CDK14: variants seen among roughly 807,000 people sequenced by gnomAD.
CDK14 encodes the protein cyclin dependent kinase 14, also known as cyclin-dependent kinase 14.
CDK14 carries 34 observed loss-of-function variants against 60.7 expected under a neutral mutation model. The observed-to-expected ratio is 0.56, with a 90% CI of 0.43 to 0.75. The LOEUF is 0.75. Ranked by LOEUF, CDK14 falls within the 30% of genes least tolerant of loss-of-function variation. CDK14 has a pLI of 0.00. For synonymous variants in CDK14, 197 were observed against 203.7 expected, an observed-to-expected ratio of 0.97 and a Z score of 0.28; for missense variants, 482 against 564.1, an observed-to-expected ratio of 0.85 and a Z score of 1.47.
intron 14 of CDK14, among the ~76,000 whole-genome samples, chr7:91,179,064 C>G (rs894785022): frequency 2.6e-5 from 4 of 152,050 alleles, no homozygotes; most frequent in East Asian, 3.9e-4. Flanking sequence ...ACCCAAATGT[C>G]CAACAATGAT....
chr7:91,141,835 C>CT (rs943357378), intron 14 of CDK14, among the ~76,000 whole-genome samples: 68 of 148,976 alleles, frequency 4.6e-4, no homozygotes, highest in Non-Finnish European at 8.3e-4. Flanking sequence ...TGCTGTTGTT[C>CT]TTTTTTTTGA....
At chr7:90,657,786 A>G (rs990608793) in intron 2 of CDK14, among the ~76,000 whole-genome samples, 48 of 152,198 alleles carry the variant, frequency 3.2e-4, no homozygotes, top group African/African-American at 1.1e-3. Flanking sequence ...TTTAATGGCC[A>G]TCTGTTTACT....
intron 5 of CDK14, among the ~76,000 whole-genome samples, chr7:90,819,637 T>A (rs941856967): frequency 6.6e-6 from 1 of 152,168 alleles, no homozygotes; most frequent in African/African-American, 2.4e-5. Flanking sequence ...TTTTAAATCA[T>A]GTAAAATGCA....
chr7:90,724,632 T>G (rs1218125284), intron 2 of CDK14, among the ~76,000 whole-genome samples: 1 of 152,070 alleles, frequency 6.6e-6, no homozygotes, highest in African/African-American at 2.4e-5. Flanking sequence ...TATTTTGTGT[T>G]TTCATTTTTA....
chr7:90,828,350 A>G (rs2117100709), intron 5 of CDK14, among the ~76,000 whole-genome samples: 1 of 152,342 alleles, frequency 6.6e-6, no homozygotes, highest in African/African-American at 2.4e-5. Flanking sequence ...CATTTTGTAT[A>G]GTCAGTATCA....
intron 7 of CDK14, among the ~76,000 whole-genome samples, chr7:90,900,804 A>G (rs1376494416): frequency 6.6e-6 from 1 of 152,170 alleles, no homozygotes; most frequent in African/African-American, 2.4e-5. Flanking sequence ...TCCCACAGTC[A>G]TGACATCACT....
chr7:90,985,562 C>T (rs180734276), intron 10 of CDK14, among the ~76,000 whole-genome samples: 141 of 152,118 alleles, frequency 9.3e-4, no homozygotes, highest in African/African-American at 2.7e-3. Context: ...ATTAAGTAAG[C>T]GCAACGTTTA....
At chr7:90,658,189 C>T (rs899478082) in intron 2 of CDK14, among the ~76,000 whole-genome samples, 8 of 152,176 alleles carry the variant, frequency 5.3e-5, no homozygotes, top group Non-Finnish European at 1.2e-4. Context: ...AATGGAATCA[C>T]GCACCATCTT....
intron 14 of CDK14, among the ~76,000 whole-genome samples, chr7:91,187,181 A>C (rs191473936): frequency 7.2e-5 from 11 of 152,250 alleles, no homozygotes; most frequent in Admixed American, 3.9e-4. Context: ...ACTGATGAAT[A>C]CTCATCTCGT....
chr7:90,740,516 C>T (rs1452229556), intron 3 of CDK14, among the ~76,000 whole-genome samples: 1 of 151,808 alleles, frequency 6.6e-6, no homozygotes, highest in Non-Finnish European at 1.5e-5. Flanking sequence ...ATCCCATCAA[C>T]CAGAGGGAAG....
intron 14 of CDK14, among the ~76,000 whole-genome samples, chr7:91,194,205 G>A (rs542196120): frequency 3.9e-5 from 6 of 152,258 alleles, no homozygotes; most frequent in South Asian, 4.1e-4. Context: ...CCAAGCATGA[G>A]TATTTTATAT....
chr7:91,023,885 G>T (rs1796498875), intron 10 of CDK14, among the ~76,000 whole-genome samples: 1 of 152,106 alleles, frequency 6.6e-6, no homozygotes, highest in South Asian at 2.1e-4. Context: ...CAATTCTCCT[G>T]CCTCAGCCTC....
At chr7:90,677,128 ACAAAAGACTTCC>A (rs1801216619) in intron 2 of CDK14, among the ~76,000 whole-genome samples, 1 of 152,180 alleles carries the variant, frequency 6.6e-6, no homozygotes, top group African/African-American at 2.4e-5. Flanking sequence ...GAAGCAAATA[ACAAAAGACTTCC>A]CTGGATCGAC....
intron 10 of CDK14, among the ~76,000 whole-genome samples, chr7:90,986,998 G>A (rs1584201368): frequency 2.8e-5 from 4 of 141,818 alleles, no homozygotes; most frequent in South Asian, 2.3e-4. Flanking sequence ...GAATTATAAA[G>A]GAAAAGAAAT....
At chr7:90,970,961 G>A (rs1248448977) in intron 9 of CDK14, among the ~76,000 whole-genome samples, 2 of 151,808 alleles carry the variant, frequency 1.3e-5, no homozygotes, top group African/African-American at 4.8e-5. Flanking sequence ...TTAAGTTTTA[G>A]GGTACATGTG....
chr7:90,674,941 G>A (rs1801167829), intron 2 of CDK14, among the ~76,000 whole-genome samples: 1 of 152,208 alleles, frequency 6.6e-6, no homozygotes, highest in Non-Finnish European at 1.5e-5. Flanking sequence ...TTGACATATG[G>A]TGTAGAATAA....
At chr7:90,892,221 T>G (rs1792155094) in intron 6 of CDK14, among the ~76,000 whole-genome samples, 1 of 151,654 alleles carries the variant, frequency 6.6e-6, no homozygotes, top group Non-Finnish European at 1.5e-5. Context: ...TATGCAAAGG[T>G]GAGTGTTGTT....
intron 5 of CDK14, among the ~76,000 whole-genome samples, chr7:90,810,305 G>C (rs1007845245): frequency 1.3e-5 from 2 of 152,124 alleles, no homozygotes; most frequent in African/African-American, 4.8e-5. Context: ...GGGATGCAAG[G>C]CTGGTTCAAC....
intron 5 of CDK14, among the ~76,000 whole-genome samples, chr7:90,838,818 C>T (rs571338736): frequency 6.6e-5 from 10 of 152,284 alleles, no homozygotes; most frequent in South Asian, 2.1e-4. Flanking sequence ...GCGTGCCCAG[C>T]GGAACATGGA....
Sources: gnomAD v4.1 joint callset for allele counts (sites outside exome capture counted in the v4.1 genomes callset) on GRCh38, gnomAD v4.1.1 for gene constraint, MANE v1.5 for transcripts, NCBI Gene and HGNC (gene_info 2026-07-23, HGNC 2026-07-21) for gene names.